CUX2: variants seen among roughly 807,000 people sequenced by gnomAD.
The protein encoded by CUX2 is homeobox protein cut-like 2.
A neutral mutation model predicts 144.8 loss-of-function variants in CUX2; 40 were observed. The ratio of observed to expected loss-of-function variants is 0.28; its 90% CI spans 0.21 to 0.36. The LOEUF is 0.36. Among genes scored for constraint, CUX2 ranks in the 10% least tolerant of loss-of-function variants. The pLI, the probability that CUX2 is intolerant of heterozygous loss-of-function variation, is 1.00. For synonymous variants in CUX2, 827 were observed against 875.6 expected, an observed-to-expected ratio of 0.94 and a Z score of 0.98; for missense variants, 1,615 against 1,994.0, an observed-to-expected ratio of 0.81 and a Z score of 3.62.
At chr12:111,302,101 C>T (rs1010499490) in intron 9 of CUX2, among the ~76,000 whole-genome samples, 17 of 152,154 alleles carry the variant, frequency 1.1e-4, no homozygotes, top group African/African-American at 3.9e-4. Flanking sequence ...AGGCAAGATA[C>T]GTATAAATAA....
At chr12:111,072,998 G>C (rs976123626) in intron 1 of CUX2, among the ~76,000 whole-genome samples, 5 of 152,192 alleles carry the variant, frequency 3.3e-5, no homozygotes, top group Admixed American at 1.3e-4. Context: ...GTCCACTTAA[G>C]AGATAAATTT....
In CUX2 at chr12:111,348,025, A is replaced by T; in HGVS notation, c.4161A>T (p.Ser1387=). 6.2e-7 allele frequency: 1 copy of T among 1,613,978 alleles called. No individual in the cohort carries two copies. Among genetic ancestry groups the T allele is most frequent in the Non-Finnish European group, 8.5e-7 (1 of 1,180,010 alleles). ...PLSFKSASES[S]RCSLEVSLNS... The stretch of plus-strand genomic sequence containing the variant: ...GTTTTAAGTCAGCCTCAGAGTCCTC[A>T]CGCTGCAGCCTGGAGGTGTCACTGA... Residue 1387 remains serine, a synonymous_variant, in exon 22 of 22, where the codon TCA becomes TCT. Coordinates refer to ENST00000261726, the MANE Select transcript of CUX2 (RefSeq NM_015267.4).
rs181840805 is a variant in CUX2 at position 111,350,220 on chromosome 12, C to T, written c.*1895C>T. ...ACCACCCTGTTGCAATTAAGACAAC[C>T]GTGGGGGAACACACCACTTTTTACT... is the stretch of plus-strand genomic sequence containing the variant. On this transcript the variant is annotated 3_prime_UTR_variant, in exon 22 of 22. Transcript: ENST00000261726. 2.6e-5 allele frequency: 4 copies of T among 152,478 alleles called. No individual in the cohort carries two copies. In the South Asian group the frequency reaches 6.2e-4, roughly 24 times the overall value. The allele number at this position is 152,478 out of a possible 1,614,324, so 9.4% of individuals were successfully genotyped here. A position where few individuals can be genotyped will look rare whatever the true frequency, so the allele number is the denominator to read the frequency against.
chr12:111,103,844 TC>T (rs1213638678), intron 1 of CUX2, among the ~76,000 whole-genome samples: 2 of 152,242 alleles, frequency 1.3e-5, no homozygotes, highest in African/African-American at 4.8e-5. Flanking sequence ...GCTCAGCTTT[TC>T]CCCTGTATGG....
chr12:111,073,056 A>G (rs188376141), intron 1 of CUX2, among the ~76,000 whole-genome samples: 2 of 152,318 alleles, frequency 1.3e-5, no homozygotes, highest in Admixed American at 1.3e-4. Flanking sequence ...CAGACAGAAA[A>G]AGGCACAGAT....
chr12:111,203,231 CAAAAAA>C (rs35855857), intron 1 of CUX2, among the ~76,000 whole-genome samples: 2 of 76,568 alleles, frequency 2.6e-5, no homozygotes, highest in African/African-American at 4.7e-5. Context: ...GACTCTGTCT[CAAAAAA>C]AAAAAAAAAA....
At position 111,182,388 on chromosome 12, in the gene CUX2, AGCCCGGCG is replaced by A. The variant is rs549484467; in HGVS notation, c.64-31808_64-31801del. On this transcript the variant is annotated intron_variant, in intron 1 of 21. Coordinates refer to ENST00000261726, the MANE Select transcript of CUX2 (RefSeq NM_015267.4). ...AAATTAGGCATTCTCTTTTACATAC[AGCCCGGCG>A]GCCAGCATCCTGGCGTTGGGCAAAT... Among the ~76,000 whole-genome samples, 30 of 152,386 alleles carry A rather than the reference AGCCCGGCG, an allele frequency of 2.0e-4. No individual in the cohort carries two copies. In the South Asian group the frequency reaches 2.3e-3, roughly 12 times the overall value.
chr12:111,219,907 G>A (rs1469425387), intron 3 of CUX2, among the ~76,000 whole-genome samples: 2 of 152,186 alleles, frequency 1.3e-5, no homozygotes, highest in Non-Finnish European at 2.9e-5. Flanking sequence ...ACTTTGGGAG[G>A]CCGAGGAGGG....
At chr12:111,123,030 G>A (rs999578574) in intron 1 of CUX2, among the ~76,000 whole-genome samples, 7 of 152,184 alleles carry the variant, frequency 4.6e-5, no homozygotes, top group African/African-American at 1.7e-4. Flanking sequence ...TTGGATGTCC[G>A]ATGCAGCCAC....
intron 1 of CUX2, chr12:111,099,721 T>C (rs1468650749): frequency 4.4e-6 from 2 of 456,238 alleles, no homozygotes; most frequent in Non-Finnish European, 8.8e-6. Context: ...TTGGGTTTAT[T>C]GGGCGCCGAA....
chr12:111,222,574 A>T (rs550226986), intron 3 of CUX2, among the ~76,000 whole-genome samples: 1 of 152,218 alleles, frequency 6.6e-6, no homozygotes, highest in South Asian at 2.1e-4. Flanking sequence ...TCTGACACCC[A>T]GGAGAGGTTA....
intron 1 of CUX2, among the ~76,000 whole-genome samples, chr12:111,099,079 A>G (rs142466849): frequency 1.0e-3 from 157 of 152,354 alleles, no homozygotes; most frequent in African/African-American, 3.6e-3. Flanking sequence ...GGCCACCTAC[A>G]TCATCTGCTC....
At chr12:111,198,143 G>A (rs542547889) in intron 1 of CUX2, among the ~76,000 whole-genome samples, 21 of 152,038 alleles carry the variant, frequency 1.4e-4, no homozygotes, top group Non-Finnish European at 2.8e-4. Context: ...GTCATTCCGT[G>A]GGCAGAGAAA....
In CUX2 at chr12:111,035,613, C is replaced by CTTTTTTT. The variant is rs60539275; in HGVS notation, c.63+1383_63+1389dup. On this transcript the variant is annotated intron_variant, in intron 1 of 21. Coordinates refer to ENST00000261726, the MANE Select transcript of CUX2 (RefSeq NM_015267.4). This position sits in a 1 kb window ranked among gnomAD's most constrained non-coding sequence, Gnocchi z 6.0. ...CAGTCTGGAGATAAAAAGGGACCCA[C>CTTTTTTT]TTTTTTTTTTTTTTTTAATCCGCCG... 2.8e-3 allele frequency among the ~76,000 whole-genome samples: 375 copies of CTTTTTTT among 135,152 alleles called. 6 individuals are homozygous for CTTTTTTT. The highest frequency in any genetic ancestry group is 0.01 in the African/African-American group (364 of 34,980). The allele number at this position is 135,152 out of a possible 152,430, so 88.7% of individuals were successfully genotyped here. A position where few individuals can be genotyped will look rare whatever the true frequency, so the allele number is the denominator to read the frequency against.
chr12:111,290,067 C>A (rs974553342), intron 4 of CUX2, among the ~76,000 whole-genome samples: 2 of 152,198 alleles, frequency 1.3e-5, no homozygotes, highest in African/African-American at 4.8e-5. Context: ...CTCAGAGCAG[C>A]AGCCAGATCC....
At chr12:111,075,522 G>T (rs977693368) in intron 1 of CUX2, among the ~76,000 whole-genome samples, 1 of 152,174 alleles carries the variant, frequency 6.6e-6, no homozygotes, top group Non-Finnish European at 1.5e-5. Flanking sequence ...GGGTAGAGGG[G>T]ATGATCAGGG....
At chr12:111,298,984 C>T (rs1468417076) in intron 9 of CUX2, among the ~76,000 whole-genome samples, 1 of 152,238 alleles carries the variant, frequency 6.6e-6, no homozygotes. Context: ...GCTCCCGCCT[C>T]CTGCCTTCCT....
intron 3 of CUX2, among the ~76,000 whole-genome samples, chr12:111,237,664 G>A (rs1882826537): frequency 1.3e-5 from 2 of 152,068 alleles, no homozygotes; most frequent in African/African-American, 4.8e-5. Context: ...ACTTCCAGTG[G>A]TACCCAGAAT....
At chr12:111,131,851 C>T (rs1382267803) in intron 1 of CUX2, among the ~76,000 whole-genome samples, 2 of 152,192 alleles carry the variant, frequency 1.3e-5, no homozygotes, top group Non-Finnish European at 2.9e-5. Flanking sequence ...CCCTCTCAGA[C>T]ACTCCCACGG....
Sources: gnomAD v4.1 joint callset for allele counts (sites outside exome capture counted in the v4.1 genomes callset) on GRCh38, gnomAD v4.1.1 for gene constraint, Gnocchi (gnomAD v3.1) non-coding constraint, MANE v1.5 for transcripts, NCBI Gene and HGNC (gene_info 2026-07-23, HGNC 2026-07-21) for gene names.